Variants in ACP3 observed in about 807,000 individuals in gnomAD.
ACP3 encodes acid phosphatase 3.
In ACP3, 38 loss-of-function variants were observed where a neutral mutation model predicts 45.6. That is an observed-to-expected ratio of 0.83 (90% confidence interval 0.64 to 1.09). The LOEUF is 1.09. ACP3 is among the 50% of genes least tolerant of loss of function. The probability of loss-of-function intolerance (pLI) is 0.00; values close to 1 mark genes in which losing one functional copy is unlikely to be tolerated. For missense variants in ACP3, 466 were observed against 463.2 expected (o/e 1.01, Z -0.05); for synonymous variants, 162 against 164.7 (o/e 0.98, Z 0.13).
At position 132,358,442 on chromosome 3, in the gene ACP3, A is replaced by G. The variant is rs924387952; in HGVS notation, c.*1564A>G. On this transcript the variant is annotated 3_prime_UTR_variant, in exon 10 of 10. Transcript: ENST00000336375. ...GTCCTGCTGAAACTGCCCACTCTGCAAGAAGAAATCATGATATAGCTTTGC... is the reference window on the plus strand; with the variant it reads ...GTCCTGCTGAAACTGCCCACTCTGCGAGAAGAAATCATGATATAGCTTTGC... 1 of 1,274,970 alleles carries G rather than the reference A, an allele frequency of 7.8e-7. No individual in the cohort carries two copies. The highest frequency in any genetic ancestry group is 2.4e-5 in the Admixed American group (1 of 42,388). 79.0% of individuals were successfully genotyped at this position (1,274,970 alleles called of 1,614,324 possible). A position where few individuals can be genotyped will look rare whatever the true frequency, so the allele number is the denominator to read the frequency against.
chr3:132,324,233 A>C (rs957206533), intron 1 of ACP3, among the ~76,000 whole-genome samples: 1 of 151,948 alleles, frequency 6.6e-6, no homozygotes, highest in African/African-American at 2.4e-5. Flanking sequence ...AAAAAAAAAA[A>C]AAAACTCCAC....
At chr3:132,347,800 C>T (rs1258946129) in intron 7 of ACP3, among the ~76,000 whole-genome samples, 3 of 149,560 alleles carry the variant, frequency 2.0e-5, no homozygotes, top group Non-Finnish European at 4.4e-5. Context: ...TTTATTTCAT[C>T]ATTTAACTTC....
intron 10 of ACP3, among the ~76,000 whole-genome samples, chr3:132,366,409 G>A (rs2107825762): frequency 6.6e-6 from 1 of 152,282 alleles, no homozygotes; most frequent in South Asian, 2.1e-4. Context: ...AAAGCAGGGT[G>A]GTGGCAGAGA....
chr3:132,332,505 C>A, intron 4 of ACP3, 161 bp downstream of exon 4: 1 of 888,792 alleles, frequency 1.1e-6, no homozygotes, highest in Non-Finnish European at 1.7e-6. Context: ...ACATGGAAAA[C>A]CCTAGCTAAG....
intron 1 of ACP3, among the ~76,000 whole-genome samples, chr3:132,322,457 A>G (rs1937224366): frequency 6.6e-6 from 1 of 152,248 alleles, no homozygotes; most frequent in South Asian, 2.1e-4. Flanking sequence ...TCCTAAAAGA[A>G]GAAAATAAAA....
intron 6 of ACP3, among the ~76,000 whole-genome samples, chr3:132,343,106 T>A (rs1165825303): frequency 1.3e-5 from 2 of 152,238 alleles, no homozygotes; most frequent in African/African-American, 4.8e-5. Flanking sequence ...AACTTCTTTC[T>A]TGCTTTGCGA....
In ACP3 at chr3:132,344,985, G is replaced by C; in HGVS notation, c.707G>C (p.Arg236Thr). The C allele has an allele frequency of 2.5e-6, 4 of 1,613,912 alleles. No homozygotes were observed. The highest frequency in any genetic ancestry group is 3.4e-6 in the Non-Finnish European group (4 of 1,179,930). Residue 236 changes from arginine to threonine, a missense_variant, in exon 7 of 10, where the codon AGA (arginine) becomes ACA (threonine). Arg to Thr is a moderately conservative substitution (Grantham distance 71). Coordinates refer to ENST00000336375, the MANE Select transcript of ACP3 (RefSeq NM_001099.5). ...WATEDTMTKL[R>T]ELSELSLLSL... The stretch of plus-strand genomic sequence containing the variant: ...ACTGAGGACACCATGACTAAGTTGA[G>C]AGAATTGTCAGAATTGTCCCTCCTG...
At chr3:132,317,617 T>C in intron 1 of ACP3, 41 bp downstream of exon 1, 1 of 1,589,482 alleles carries the variant, frequency 6.3e-7, no homozygotes. Context: ...TAAAACTGTG[T>C]TCCCAGCAAA....
chr3:132,347,840 C>T (rs1937630197), intron 7 of ACP3, among the ~76,000 whole-genome samples: 1 of 119,512 alleles, frequency 8.4e-6, no homozygotes, highest in East Asian at 2.2e-4. Context: ...AAGACACACA[C>T]ACATACACAC....
chr3:132,338,357 TC>T (rs1937519534), intron 5 of ACP3, among the ~76,000 whole-genome samples: 1 of 152,016 alleles, frequency 6.6e-6, no homozygotes, highest in African/African-American at 2.4e-5. Flanking sequence ...TCCTTTTCTT[TC>T]TTTTCCTTTT....
In ACP3 at chr3:132,357,909, C is replaced by A; in HGVS notation, c.*1031C>A. 4.7e-6 allele frequency: 1 copy of A among 214,212 alleles called. No individual in the cohort carries two copies. Among genetic ancestry groups the A allele is most frequent in the South Asian group, 1.7e-4 (1 of 6,028 alleles). The allele number at this position is 214,212 out of a possible 1,614,324, so 13.3% of individuals were successfully genotyped here. On this transcript the variant is annotated 3_prime_UTR_variant, in exon 10 of 10. Transcript: ENST00000336375. ...ACTTAGATGGGCATGGTGGTGTGTG[C>A]CTATAGTCCCACTACTTGTGGGGCT...
chr3:132,327,148 C>CA lies in ACP3; in HGVS notation c.121-1113dup, dbSNP rs561089514. On this transcript the variant is annotated intron_variant, in intron 1 of 9. Transcript: ENST00000336375. ...CCTGCAATCTTTTACTCCTAATCTC[C>CA]AAAAAATGAACAAATCATTGGCTCA... Among the ~76,000 whole-genome samples the CA allele has an allele frequency of 4.1e-4, 62 of 152,260 alleles. No homozygotes were observed. The Middle Eastern group carries it at 0.01, about 25-fold the overall frequency.
chr3:132,325,039 T>C (rs1447013954), intron 1 of ACP3, among the ~76,000 whole-genome samples: 7 of 152,240 alleles, frequency 4.6e-5, no homozygotes, highest in Non-Finnish European at 1.0e-4. Context: ...TTTAAAGGAT[T>C]TCATAGAGTA....
chr3:132,321,082 T>G (rs117117045), intron 1 of ACP3, among the ~76,000 whole-genome samples: 1 of 152,160 alleles, frequency 6.6e-6, no homozygotes, highest in African/African-American at 2.4e-5. Context: ...AGAGGATCAC[T>G]TGAGCACAGC....
At chr3:132,366,735 G>T (rs904030918) in intron 10 of ACP3, among the ~76,000 whole-genome samples, 10 of 152,146 alleles carry the variant, frequency 6.6e-5, no homozygotes, top group Non-Finnish European at 1.5e-4. Context: ...TGTCAGAGCT[G>T]GAGATTTATA....
At chr3:132,338,963 T>G (rs1019510604) in intron 5 of ACP3, among the ~76,000 whole-genome samples, 2 of 152,192 alleles carry the variant, frequency 1.3e-5, no homozygotes, top group East Asian at 3.8e-4. Context: ...TTGTACAGAT[T>G]ATTTCATCAC....
At chr3:132,329,981 C>T (rs1476317070) in intron 2 of ACP3, among the ~76,000 whole-genome samples, 1 of 144,878 alleles carries the variant, frequency 6.9e-6, no homozygotes, top group Non-Finnish European at 1.5e-5. Flanking sequence ...TGCAGTGGCT[C>T]GATCTCAGCT....
At position 132,331,679 on chromosome 3, in the gene ACP3, G is replaced by A. The variant is rs1327069277; in HGVS notation, c.249G>A (p.Glu83=). The change falls in exon 3 of 10, where the codon GAG becomes GAA. Residue 83 remains glutamate, a synonymous_variant. Transcript: ENST00000336375. ...TGGAGCAGCATTATGAACTTGGAGA[G>A]TATATAAGAAAGAGATATAGAAAAT... ...LGMEQHYELG[E]YIRKRYRKFL... is the part of the protein sequence containing the mutation. 3.1e-6 allele frequency: 5 copies of A among 1,606,768 alleles called. No homozygotes were observed. The East Asian group carries it at 6.7e-5, about 22-fold the overall frequency.
chr3:132,322,830 C>T (rs1361041567), intron 1 of ACP3, among the ~76,000 whole-genome samples: 1 of 152,226 alleles, frequency 6.6e-6, no homozygotes, highest in Admixed American at 6.5e-5. Context: ...GCCATGGGGG[C>T]TCTACTCTCC....
Sources: allele counts gnomAD v4.1 joint callset (sites outside exome capture counted in the v4.1 genomes callset), GRCh38; gene constraint gnomAD v4.1.1; transcripts MANE v1.5; gene names NCBI Gene and HGNC (gene_info 2026-07-23, HGNC 2026-07-21).